Variants in LRRC37B observed in about 807,000 individuals in gnomAD.
LRRC37B encodes leucine-rich repeat-containing protein 37B.
Under a neutral mutation model 98.3 loss-of-function variants are expected in LRRC37B, and 28 were observed. The ratio of observed to expected loss-of-function variants is 0.28; its 90% confidence interval spans 0.21 to 0.39. The LOEUF (loss-of-function observed/expected upper bound fraction) is 0.39, where lower values mean the gene tolerates loss of function less well. Ranked by LOEUF, LRRC37B falls within the 10% of genes least tolerant of loss-of-function variation. The probability of loss-of-function intolerance (pLI) is 1.00; values close to 1 mark genes in which losing one functional copy is unlikely to be tolerated. For synonymous variants in LRRC37B, 364 were observed against 442.7 expected, an observed-to-expected ratio of 0.82 and a Z score of 2.23; for missense variants, 938 against 1,182.7, an observed-to-expected ratio of 0.79 and a Z score of 3.03.
intron 2 of LRRC37B, among the ~76,000 whole-genome samples, chr17:32,027,011 G>A (rs1221433737): frequency 1.3e-5 from 2 of 151,946 alleles, no homozygotes; most frequent in African/African-American, 4.8e-5. Flanking sequence ...GTAACAGAAT[G>A]GACCCTGTCT....
chr17:32,017,829 T>C (rs1298524396), upstream of LRRC37B: 1 of 152,400 alleles, frequency 6.6e-6, no homozygotes, highest in Non-Finnish European at 1.5e-5. Flanking sequence ...ACGAAGCATA[T>C]GATGAGGAAA....
At chr17:32,021,710 G>A (rs746210121) in exon 1 of LRRC37B, 34 of 1,614,062 alleles carry the variant, frequency 2.1e-5, no homozygotes, top group Middle Eastern at 1.6e-4. Flanking sequence ...TTGTTGTTTC[G>A]CCCAAGAACC....
In LRRC37B at chr17:32,025,821, A is replaced by G. The variant is rs536126205; in HGVS notation, c.1832+1039A>G. ...AGATATAAAATTTTAATTGTCCTCA[A>G]AAATGTTGTGCCAACTGACTATATT... On this transcript the variant is annotated intron_variant, in intron 2 of 11. Transcript: ENST00000327564. Among the ~76,000 whole-genome samples, 6 of 152,354 alleles carry G rather than the reference A, an allele frequency of 3.9e-5. No homozygotes were observed. In the East Asian group the frequency reaches 1.2e-3, roughly 29 times the overall value.
upstream of LRRC37B, chr17:32,020,897 C>T (rs773769383): frequency 1.7e-4 from 224 of 1,354,560 alleles, no homozygotes; most frequent in South Asian, 3.0e-4. Flanking sequence ...CCCCGGTCTG[C>T]GGCCCAAATC....
At chr17:32,050,754 T>TATG (rs1157255196) in intron 11 of LRRC37B, among the ~76,000 whole-genome samples, 2 of 152,044 alleles carry the variant, frequency 1.3e-5, no homozygotes, top group African/African-American at 4.8e-5. Context: ...TTGGACACCA[T>TATG]ATGAGACATT....
chr17:32,050,763 T>C (rs573239067), intron 11 of LRRC37B, among the ~76,000 whole-genome samples: 4 of 152,148 alleles, frequency 2.6e-5, no homozygotes, highest in Non-Finnish European at 4.4e-5. Context: ...ATATGAGACA[T>C]TCCCCCTCGG....
At chr17:32,031,410 G>A (rs1598207515) in exon 5 of LRRC37B, 3 of 1,610,584 alleles carry the variant, frequency 1.9e-6, no homozygotes, top group Non-Finnish European at 2.5e-6. Flanking sequence ...ACAAAACTGA[G>A]CCTTGGAACA....
chr17:32,039,534 T>TCTATATATATATTCTA (rs1911360388), intron 7 of LRRC37B, among the ~76,000 whole-genome samples: 1 of 106,918 alleles, frequency 9.4e-6, no homozygotes, highest in Non-Finnish European at 1.8e-5. Flanking sequence ...GTATGTATTT[T>TCTATATATATATTCTA]TATATATATT....
upstream of LRRC37B, chr17:32,020,852 C>T (rs1910749948): frequency 1.9e-5 from 19 of 1,005,840 alleles, no homozygotes; most frequent in Non-Finnish European, 2.5e-5. Context: ...CCCCACCCCA[C>T]CCCACCACAG....
rs193004399 is a variant in LRRC37B at position 32,013,885 on chromosome 17, A to G, written c.-190-4087A>G. Reference sequence around the variant, plus strand: ...TATATACATATACAATGCATGTATGATACCTTTGGCCACTACATCCTTCTT... The same window carrying G: ...TATATACATATACAATGCATGTATGGTACCTTTGGCCACTACATCCTTCTT... On this transcript the variant is annotated intron_variant, in intron 1 of 14. Coordinates refer to the LRRC37B transcript ENST00000543378. 8.1e-4 allele frequency among the ~76,000 whole-genome samples: 123 copies of G among 152,268 alleles called. 1 individual carries two copies. The highest frequency in any genetic ancestry group is 1.6e-3 in the Non-Finnish European group (108 of 68,018).
At chr17:32,034,412 G>T (rs1372756766) in intron 5 of LRRC37B, among the ~76,000 whole-genome samples, 1 of 145,604 alleles carries the variant, frequency 6.9e-6, no homozygotes, top group African/African-American at 2.5e-5. Flanking sequence ...TGAGGCAGGA[G>T]AATTGCTTGA....
At chr17:32,026,257 G>A (rs191773454) in intron 2 of LRRC37B, among the ~76,000 whole-genome samples, 46 of 152,314 alleles carry the variant, frequency 3.0e-4, no homozygotes, top group African/African-American at 1.1e-3. Context: ...GCTCACGCCT[G>A]TAACCCCAGC....
At chr17:32,046,143 A>G (rs1395668767) in intron 8 of LRRC37B, among the ~76,000 whole-genome samples, 1 of 152,232 alleles carries the variant, frequency 6.6e-6, no homozygotes, top group Non-Finnish European at 1.5e-5. Flanking sequence ...ATTTCTTCAT[A>G]TAGTGCAATG....
chr17:32,022,604 T>A, exon 1 of LRRC37B: 2 of 1,614,022 alleles, frequency 1.2e-6, no homozygotes, highest in Non-Finnish European at 1.7e-6. Flanking sequence ...GAAGCCTGAC[T>A]GAAGTCACAG....
intron 7 of LRRC37B, chr17:32,042,627 C>CTCTG (rs1012107332): frequency 6.5e-6 from 1 of 152,712 alleles, no homozygotes; most frequent in African/African-American, 2.4e-5. Context: ...ATGGAGGGTC[C>CTCTG]TCTGGGCTGG....
At chr17:32,037,056 G>A (rs916193990) in intron 7 of LRRC37B, among the ~76,000 whole-genome samples, 6 of 132,790 alleles carry the variant, frequency 4.5e-5, no homozygotes, top group African/African-American at 8.4e-5. Context: ...GTGCCATATC[G>A]GCTCACTGCA....
chr17:32,044,569 T>A (rs1003124360), intron 7 of LRRC37B, among the ~76,000 whole-genome samples: 1 of 152,148 alleles, frequency 6.6e-6, no homozygotes, highest in Non-Finnish European at 1.5e-5. Flanking sequence ...TTTAAGGTGA[T>A]CTTCCAGATC....
intron 5 of LRRC37B, among the ~76,000 whole-genome samples, chr17:32,032,617 A>G (rs1911140688): frequency 6.6e-6 from 1 of 152,132 alleles, no homozygotes; most frequent in South Asian, 2.1e-4. Flanking sequence ...CACACAGTTC[A>G]TTTTGAGGTA....
intron 7 of LRRC37B, among the ~76,000 whole-genome samples, chr17:32,039,522 ATGTATGTATTTT>A (rs1911357761): frequency 1.8e-4 from 2 of 10,958 alleles, no homozygotes; most frequent in African/African-American, 3.8e-4. Flanking sequence ...ATATATATAT[ATGTATGTATTTT>A]TATATATATT....
Sources: allele counts gnomAD v4.1 joint callset (sites outside exome capture counted in the v4.1 genomes callset), GRCh38; gene constraint gnomAD v4.1.1; transcripts MANE v1.5; gene names NCBI Gene and HGNC (gene_info 2026-07-23, HGNC 2026-07-21).